The following SVOP variants were observed in gnomAD, a reference collection of about 807,000 sequenced individuals.
SVOP encodes synaptic vesicle 2-related protein.
Under a neutral mutation model 69.1 loss-of-function variants are expected in SVOP, and 17 were observed. The ratio of observed to expected loss-of-function variants is 0.25; its 90% CI spans 0.17 to 0.37. SVOP has a LOEUF of 0.37. Ranked by LOEUF, SVOP falls within the 10% of genes least tolerant of loss-of-function variation. The pLI, the probability that SVOP is intolerant of heterozygous loss-of-function variation, is 1.00. For missense variants in SVOP, 435 were observed against 597.5 expected (o/e 0.73, Z 2.84); for synonymous variants, 238 against 238.6 (o/e 1.00, Z 0.02).
intron 1 of SVOP, among the ~76,000 whole-genome samples, chr12:108,998,571 G>T (rs1009635567): frequency 4.7e-4 from 72 of 152,066 alleles, no homozygotes; most frequent in African/African-American, 1.7e-3. Context: ...GAAAGGTCGG[G>T]TTACCCTCAA....
At chr12:108,999,402 A>G (rs1405500056) in intron 1 of SVOP, among the ~76,000 whole-genome samples, 93 of 150,266 alleles carry the variant, frequency 6.2e-4, no homozygotes, top group African/African-American at 2.2e-3. Context: ...AGACAGATCA[A>G]TGAGACAGAA....
intron 6 of SVOP, among the ~76,000 whole-genome samples, chr12:108,959,642 C>CCG (rs753921324): frequency 2.6e-4 from 40 of 152,284 alleles, no homozygotes; most frequent in Admixed American, 1.6e-3. Context: ...GCATGAGCCA[C>CCG]CGCGCCTGGC....
At chr12:108,959,740 T>C (rs376022851) in intron 6 of SVOP, among the ~76,000 whole-genome samples, 56 of 152,346 alleles carry the variant, frequency 3.7e-4, no homozygotes, top group African/African-American at 1.3e-3. Context: ...CCTCTTTTCA[T>C]GTGGTTCACT....
chr12:108,913,591 A>G (rs2039698235), intron 15 of SVOP, among the ~76,000 whole-genome samples: 1 of 152,188 alleles, frequency 6.6e-6, no homozygotes, highest in Admixed American at 6.5e-5. Context: ...GGAACAGTGC[A>G]GTGCCTGTGC....
chr12:108,972,370 G>C, intron 5 of SVOP, 35 bp downstream of exon 5: 1 of 1,534,506 alleles, frequency 6.5e-7, no homozygotes, highest in South Asian at 1.2e-5. Context: ...AGACAACCCA[G>C]AGGACATGCG....
At chr12:108,996,403 C>T (rs1388638691) in intron 1 of SVOP, among the ~76,000 whole-genome samples, 1 of 151,854 alleles carries the variant, frequency 6.6e-6, no homozygotes, top group East Asian at 1.9e-4. Flanking sequence ...ACTAAAAATA[C>T]AAAAATTAGC....
intron 8 of SVOP, 108 bp downstream of exon 8, chr12:108,940,676 A>T: frequency 7.6e-6 from 11 of 1,439,444 alleles, no homozygotes; most frequent in Non-Finnish European, 1.0e-5. Flanking sequence ...TAAAAAAAAT[A>T]ATCTTGAAAG....
intron 15 of SVOP, among the ~76,000 whole-genome samples, 161 bp from the exon 16 acceptor site, chr12:108,912,902 G>A (rs1371139425): frequency 2.6e-5 from 4 of 151,896 alleles, no homozygotes; most frequent in African/African-American, 7.3e-5. Flanking sequence ...CTCTCTCCTT[G>A]TGACACGCCT....
intron 7 of SVOP, among the ~76,000 whole-genome samples, chr12:108,942,595 A>G (rs2039897718): frequency 6.6e-6 from 1 of 152,218 alleles, no homozygotes; most frequent in Admixed American, 6.5e-5. Flanking sequence ...CCCTCCCTGC[A>G]GAGCAGTCGT....
intron 5 of SVOP, among the ~76,000 whole-genome samples, chr12:108,966,343 C>A (rs1184726196): frequency 1.3e-5 from 2 of 152,210 alleles, no homozygotes; most frequent in Admixed American, 6.5e-5. Context: ...CACACACCTA[C>A]AGTTTCCTTC....
chr12:108,953,729 A>C (rs1370105034), intron 6 of SVOP, among the ~76,000 whole-genome samples: 1 of 152,194 alleles, frequency 6.6e-6, no homozygotes, highest in Non-Finnish European at 1.5e-5. Context: ...ATAGAGTTAC[A>C]GTGGTGGGAA....
chr12:108,934,452 A>G (rs1188933360), intron 10 of SVOP, among the ~76,000 whole-genome samples, 181 bp from the exon 11 acceptor site: 1 of 152,154 alleles, frequency 6.6e-6, no homozygotes, highest in Non-Finnish European at 1.5e-5. Context: ...AAGCATCACG[A>G]TATGATCAAA....
At chr12:109,020,754 A>ACCCCCCCCCCCCCC (rs67827847) in intron 1 of SVOP, 80 bp downstream of exon 1, 116 of 239,364 alleles carry the variant, frequency 4.8e-4, no homozygotes, top group South Asian at 7.2e-4. Context: ...GCAGAGATGT[A>ACCCCCCCCCCCCCC]CCCCCCCCCA....
chr12:108,939,546 T>C (rs1169259746), intron 8 of SVOP, among the ~76,000 whole-genome samples: 1 of 152,224 alleles, frequency 6.6e-6, no homozygotes, highest in African/African-American at 2.4e-5. Flanking sequence ...AAACAGCAGG[T>C]ATACTGGAGA....
intron 15 of SVOP, among the ~76,000 whole-genome samples, chr12:108,915,322 C>T (rs2039707115): frequency 6.6e-6 from 1 of 152,100 alleles, no homozygotes; most frequent in Admixed American, 6.5e-5. Context: ...GTGGAATTTT[C>T]AGCCCATGAC....
intron 4 of SVOP, among the ~76,000 whole-genome samples, chr12:108,974,679 C>A (rs963980043): frequency 1.5e-4 from 22 of 151,084 alleles, no homozygotes; most frequent in African/African-American, 4.6e-4. Context: ...TGCAGTGAGA[C>A]AAAATCACGC....
intron 5 of SVOP, among the ~76,000 whole-genome samples, chr12:108,970,324 C>T (rs1428487350): frequency 1.3e-5 from 2 of 152,190 alleles, no homozygotes; most frequent in Non-Finnish European, 2.9e-5. Flanking sequence ...GGGTAAGTTG[C>T]CCACTCTCCG....
chr12:109,008,277 T>G (rs2040320425), intron 1 of SVOP, among the ~76,000 whole-genome samples: 1 of 152,166 alleles, frequency 6.6e-6, no homozygotes, highest in African/African-American at 2.4e-5. Context: ...CTTTTGCATC[T>G]CTACAGAGTG....
At chr12:108,934,366 A>C in intron 10 of SVOP, 95 bp from the exon 11 acceptor site, 6 of 1,032,372 alleles carry the variant, frequency 5.8e-6, no homozygotes, top group Non-Finnish European at 8.5e-6. Flanking sequence ...CTACAGCAGC[A>C]GGGACCAGTC....
Sources: allele counts gnomAD v4.1 joint callset (sites outside exome capture counted in the v4.1 genomes callset), GRCh38; gene constraint gnomAD v4.1.1; transcripts MANE v1.5; gene names NCBI Gene and HGNC (gene_info 2026-07-23, HGNC 2026-07-21).